CCDC158: variants seen among roughly 807,000 people sequenced by gnomAD.
CCDC158 encodes the protein coiled-coil domain-containing protein 158.
In CCDC158, 116 loss-of-function variants were observed where a neutral mutation model predicts 138.6. The ratio of observed to expected loss-of-function variants is 0.84; its 90% confidence interval spans 0.72 to 0.98. The LOEUF is 0.98. Ranked by LOEUF, CCDC158 falls within the 50% of genes least tolerant of loss-of-function variation. The pLI, the probability that CCDC158 is intolerant of heterozygous loss-of-function variation, is 0.00. For missense variants in CCDC158, 1,265 were observed against 1,306.1 expected, an observed-to-expected ratio of 0.97 and a Z score of 0.48; for synonymous variants, 436 against 442.4, an observed-to-expected ratio of 0.99 and a Z score of 0.18.
At chr4:76,329,737 G>A (rs1720857742) in intron 21 of CCDC158, among the ~76,000 whole-genome samples, 1 of 152,192 alleles carries the variant, frequency 6.6e-6, no homozygotes, top group African/African-American at 2.4e-5. Flanking sequence ...TCTCAAAGTG[G>A]TTCCCTTTCA....
intron 3 of CCDC158, among the ~76,000 whole-genome samples, chr4:76,402,792 T>C (rs1728512524): frequency 9.8e-6 from 1 of 102,280 alleles, no homozygotes; most frequent in Non-Finnish European, 2.0e-5. Flanking sequence ...TGACTGGATG[T>C]AGCAGCAGGT....
chr4:76,367,585 C>A lies in CCDC158; in HGVS notation c.1539G>T (p.Glu513Asp). Residue 513 changes from glutamate to aspartate, a missense_variant, in exon 12 of 25, where the codon GAG becomes GAT. Physicochemically the swap from Glu to Asp is conservative, Grantham distance 45. Coordinates refer to ENST00000682701, the MANE Select transcript of CCDC158 (RefSeq NM_001394954.1). ...GCTTTGTGATCTCTGCATTGGTAGC[C>A]TCGATGGCTCTCTCTTTTTCCTGGA... ...TSLQEKERAI[E>D]ATNAEITKLR... 1 of 1,614,202 alleles carries A rather than the reference C, an allele frequency of 6.2e-7. No individual in the cohort carries two copies. The highest frequency in any genetic ancestry group is 8.5e-7 in the Non-Finnish European group (1 of 1,180,044).
At chr4:76,346,822 C>T (rs539263156) in intron 18 of CCDC158, among the ~76,000 whole-genome samples, 1 of 152,152 alleles carries the variant, frequency 6.6e-6, no homozygotes, top group Non-Finnish European at 1.5e-5. Context: ...AAAACTTCAA[C>T]AAATTTACAA....
chr4:76,343,295 A>C (rs1722233333), intron 18 of CCDC158, among the ~76,000 whole-genome samples: 1 of 152,146 alleles, frequency 6.6e-6, no homozygotes, highest in African/African-American at 2.4e-5. Flanking sequence ...TCCTTCAATA[A>C]AAAAGCATTA....
chr4:76,364,804 T>C (rs1370272311), intron 12 of CCDC158, among the ~76,000 whole-genome samples: 1 of 152,232 alleles, frequency 6.6e-6, no homozygotes, highest in African/African-American at 2.4e-5. Context: ...GCAGTTTAAC[T>C]GTGGAGACCA....
intron 12 of CCDC158, among the ~76,000 whole-genome samples, chr4:76,364,400 T>C (rs1287165347): frequency 6.6e-6 from 1 of 152,206 alleles, no homozygotes; most frequent in Non-Finnish European, 1.5e-5. Flanking sequence ...TACCTGCACA[T>C]GACTCTGGAG....
chr4:76,371,981 GTT>G (rs776740229), intron 9 of CCDC158, among the ~76,000 whole-genome samples: 4 of 139,814 alleles, frequency 2.9e-5, no homozygotes, highest in Admixed American at 2.1e-4. Flanking sequence ...GTCTTGTAAA[GTT>G]TTTTTTTTTT....
intron 1 of CCDC158, among the ~76,000 whole-genome samples, chr4:76,418,013 A>T (rs1222310323): frequency 2.6e-5 from 4 of 152,166 alleles, no homozygotes; most frequent in Non-Finnish European, 5.9e-5. Context: ...TCCTGAGAAG[A>T]TGTCAGTGAG....
At position 76,343,242 on chromosome 4, in the gene CCDC158, A is replaced by G. The variant is rs373853240; in HGVS notation, c.2664+7754T>C. Among the ~76,000 whole-genome samples the G allele has an allele frequency of 1.3e-3, 200 of 152,310 alleles. 2 individuals are homozygous for G. In the South Asian group the frequency reaches 0.04, roughly 31 times the overall value. ...GGAATAAGAGATCCCTCTTTAGGGA[A>G]ACTGATCAGCCCAAGAATAAAGACC... On this transcript the variant is annotated intron_variant, in intron 18 of 24. Transcript: ENST00000682701.
chr4:76,387,553 G>A (rs1051964063), intron 4 of CCDC158, among the ~76,000 whole-genome samples: 1 of 151,948 alleles, frequency 6.6e-6, no homozygotes, highest in African/African-American at 2.4e-5. Context: ...GGCTGGGTGC[G>A]GTAGCTCACG....
intron 24 of CCDC158, among the ~76,000 whole-genome samples, chr4:76,316,610 A>T (rs1305111919): frequency 6.6e-6 from 1 of 152,050 alleles, no homozygotes; most frequent in African/African-American, 2.4e-5. Flanking sequence ...AGCTCAAAGA[A>T]TACCTGTGAA....
chr4:76,347,993 C>G (rs1722720837), intron 18 of CCDC158, among the ~76,000 whole-genome samples: 1 of 152,126 alleles, frequency 6.6e-6, no homozygotes. Context: ...TTACTGTTCA[C>G]AGTTCAGGCT....
intron 18 of CCDC158, among the ~76,000 whole-genome samples, chr4:76,341,993 C>T (rs1352521670): frequency 6.6e-6 from 1 of 152,060 alleles, no homozygotes; most frequent in African/African-American, 2.4e-5. Flanking sequence ...TGTAGAGAAA[C>T]AGTACAGTAT....
Position 76,369,425 on chromosome 4 carries a change from C to A in CCDC158, c.1347+1G>T, listed in dbSNP as rs1197636271. The A allele has an allele frequency of 6.2e-7, 1 of 1,613,926 alleles. No individual in the cohort carries two copies. The highest frequency in any genetic ancestry group is 1.1e-5 in the South Asian group (1 of 91,072). On this transcript the variant is annotated splice_donor_variant, in intron 11 of 24. Transcript: ENST00000682701. LOFTEE classifies it high-confidence loss of function. ...ATGGCACAGCCTGTGCAGGCACTGA[C>A]CTGCCGCTCCATCTGGCCCTGACAC...
chr4:76,319,707 A>G (rs1293511178), intron 24 of CCDC158, among the ~76,000 whole-genome samples: 1 of 151,646 alleles, frequency 6.6e-6, no homozygotes, highest in Non-Finnish European at 1.5e-5. Context: ...ATCATCTCAA[A>G]AAATGCAGAA....
chr4:76,408,422 T>A (rs1579104860), intron 2 of CCDC158, among the ~76,000 whole-genome samples: 1 of 151,746 alleles, frequency 6.6e-6, no homozygotes, highest in Admixed American at 6.6e-5. Context: ...CACCTATGAG[T>A]GAGAACATGC....
At chr4:76,344,675 G>A in intron 18 of CCDC158, 6 of 1,613,566 alleles carry the variant, frequency 3.7e-6, no homozygotes, top group Non-Finnish European at 5.1e-6. Context: ...CCATGTTTCA[G>A]AGCCCAGAGT....
At chr4:76,350,294 C>T (rs1403293819) in intron 18 of CCDC158, among the ~76,000 whole-genome samples, 3 of 152,156 alleles carry the variant, frequency 2.0e-5, no homozygotes, top group Non-Finnish European at 4.4e-5. Context: ...GTCATTTAAA[C>T]AGTACATAAT....
intron 5 of CCDC158, 44 bp from the exon 6 acceptor site, chr4:76,384,459 A>G: frequency 6.4e-7 from 1 of 1,565,678 alleles, no homozygotes; most frequent in Non-Finnish European, 8.7e-7. Context: ...GATAAAACTC[A>G]TATTCACACA....
Sources: allele counts gnomAD v4.1 joint callset (sites outside exome capture counted in the v4.1 genomes callset), GRCh38; gene constraint gnomAD v4.1.1; transcripts MANE v1.5; gene names NCBI Gene and HGNC (gene_info 2026-07-23, HGNC 2026-07-21).